The following PALLD variants were observed in gnomAD, a reference collection of about 807,000 sequenced individuals.
PALLD encodes the protein palladin.
PALLD carries 61 observed loss-of-function variants against 123.5 expected under a neutral mutation model. The observed-to-expected ratio is 0.49, with a 90% confidence interval of 0.40 to 0.61. The LOEUF (loss-of-function observed/expected upper bound fraction) is 0.61, where lower values mean the gene tolerates loss of function less well. Among genes scored for constraint, PALLD ranks in the 20% least tolerant of loss-of-function variants. The pLI is 0.00. For synonymous variants in PALLD, 465 were observed against 496.4 expected (o/e 0.94, Z 0.84); for missense variants, 1,273 against 1,377.0 (o/e 0.92, Z 1.20).
At chr4:168,520,797 T>C (rs1763489279) in intron 2 of PALLD, among the ~76,000 whole-genome samples, 1 of 152,218 alleles carries the variant, frequency 6.6e-6, no homozygotes, top group Non-Finnish European at 1.5e-5. Context: ...GCTGTATAAA[T>C]GCATAAAGCT....
chr4:168,758,548 A>G (rs1384115787), intron 10 of PALLD, among the ~76,000 whole-genome samples: 3 of 152,128 alleles, frequency 2.0e-5, no homozygotes, highest in Non-Finnish European at 4.4e-5. Context: ...AATCATGCAA[A>G]CTTGGTGAAC....
At chr4:168,905,548 T>C (rs1192462642) in intron 15 of PALLD, among the ~76,000 whole-genome samples, 1 of 152,068 alleles carries the variant, frequency 6.6e-6, no homozygotes, top group Non-Finnish European at 1.5e-5. Context: ...TGCAATAATA[T>C]TAAGATCAGA....
At chr4:168,878,945 T>C (rs187459065) in intron 10 of PALLD, among the ~76,000 whole-genome samples, 1 of 152,356 alleles carries the variant, frequency 6.6e-6, no homozygotes, top group Admixed American at 6.5e-5. Context: ...TTATTAAGTA[T>C]ATACTTAGTG....
At chr4:168,877,566 G>C (rs1751920993) in intron 10 of PALLD, among the ~76,000 whole-genome samples, 1 of 152,224 alleles carries the variant, frequency 6.6e-6, no homozygotes, top group Admixed American at 6.5e-5. Context: ...ATGAACTGCT[G>C]GCCCCACACT....
intron 2 of PALLD, among the ~76,000 whole-genome samples, chr4:168,584,214 G>A (rs1237126184): frequency 2.2e-5 from 2 of 91,122 alleles, no homozygotes; most frequent in African/African-American, 8.6e-5. Context: ...AAGACCATCA[G>A]GTTTTTTTTT....
At chr4:168,573,686 A>T (rs1173995708) in intron 2 of PALLD, among the ~76,000 whole-genome samples, 1 of 152,090 alleles carries the variant, frequency 6.6e-6, no homozygotes, top group East Asian at 1.9e-4. Context: ...AGGGTTAGAA[A>T]AGGATCCCTG....
chr4:168,583,123 C>G (rs920057484), intron 2 of PALLD, among the ~76,000 whole-genome samples: 1 of 151,874 alleles, frequency 6.6e-6, no homozygotes, highest in African/African-American at 2.4e-5. Flanking sequence ...TCTTTAGGAA[C>G]AAGAGAAAAG....
At chr4:168,652,422 C>T (rs904466150) in intron 2 of PALLD, among the ~76,000 whole-genome samples, 2 of 152,188 alleles carry the variant, frequency 1.3e-5, no homozygotes, top group African/African-American at 2.4e-5. Flanking sequence ...AATTACACCA[C>T]ATTGGATCTG....
chr4:168,700,816 T>G (rs1436794582), intron 8 of PALLD: 5 of 152,164 alleles, frequency 3.3e-5, no homozygotes, highest in Admixed American at 1.3e-4. Context: ...TGAGCTATGA[T>G]CATGCCACTT....
chr4:168,890,049 T>A (rs1405937202), intron 10 of PALLD, among the ~76,000 whole-genome samples: 1 of 152,224 alleles, frequency 6.6e-6, no homozygotes, highest in African/African-American at 2.4e-5. Flanking sequence ...CATTGCTTAG[T>A]ATTCTATTTC....
chr4:168,814,920 A>G (rs773326501), intron 10 of PALLD, among the ~76,000 whole-genome samples: 1 of 152,006 alleles, frequency 6.6e-6, no homozygotes, highest in Non-Finnish European at 1.5e-5. Flanking sequence ...ACAGTTGTGT[A>G]CCACCATGCC....
chr4:168,617,514 T>A (rs1241740371), intron 2 of PALLD, among the ~76,000 whole-genome samples: 2 of 152,058 alleles, frequency 1.3e-5, no homozygotes, highest in Admixed American at 6.5e-5. Context: ...GGCCGGCCAG[T>A]CAAGCAGTAG....
intron 2 of PALLD, among the ~76,000 whole-genome samples, chr4:168,595,544 T>A (rs180766202): frequency 6.0e-4 from 91 of 152,296 alleles, no homozygotes; most frequent in African/African-American, 1.8e-3. Flanking sequence ...TGTATTGGCC[T>A]TTTAGTGCCA....
chr4:168,589,981 G>A (rs983357394), intron 2 of PALLD, among the ~76,000 whole-genome samples: 1 of 152,202 alleles, frequency 6.6e-6, no homozygotes, highest in African/African-American at 2.4e-5. Context: ...CATGGTGGAA[G>A]AATTTACTGA....
intron 10 of PALLD, among the ~76,000 whole-genome samples, chr4:168,804,354 G>C (rs1038717963): frequency 6.6e-6 from 1 of 152,222 alleles, no homozygotes; most frequent in African/African-American, 2.4e-5. Context: ...GAGAGCCAGA[G>C]GCCAGTCAAG....
chr4:168,889,138 T>TTGTGTGTGTGTGTG (rs143065658), intron 10 of PALLD, among the ~76,000 whole-genome samples: 9,194 of 132,032 alleles, frequency 0.07, 433 homozygotes, highest in South Asian at 0.096. Flanking sequence ...TTGCTTTATT[T>TTGTGTGTGTGTGTG]TGTGTGTGTG....
At chr4:168,638,818 T>A (rs1375863241) in intron 2 of PALLD, among the ~76,000 whole-genome samples, 1 of 151,910 alleles carries the variant, frequency 6.6e-6, no homozygotes, top group Non-Finnish European at 1.5e-5. Context: ...ACCATATGAA[T>A]TTGGGAGGGG....
intron 2 of PALLD, among the ~76,000 whole-genome samples, chr4:168,644,579 C>G (rs1364253870): frequency 6.6e-6 from 1 of 152,114 alleles, no homozygotes; most frequent in Non-Finnish European, 1.5e-5. Flanking sequence ...GACCGACTTT[C>G]TGTTTGAGTG....
At chr4:168,793,479 C>T (rs1419415664) in intron 10 of PALLD, among the ~76,000 whole-genome samples, 1 of 151,860 alleles carries the variant, frequency 6.6e-6, no homozygotes, top group Non-Finnish European at 1.5e-5. Flanking sequence ...TTCCTGCTCC[C>T]TCCCACCTCA....
Sources: allele counts gnomAD v4.1 joint callset (sites outside exome capture counted in the v4.1 genomes callset), GRCh38; gene constraint gnomAD v4.1.1; transcripts MANE v1.5; gene names NCBI Gene and HGNC (gene_info 2026-07-23, HGNC 2026-07-21).